PAK3: variants seen among roughly 807,000 people sequenced by gnomAD.
PAK3 encodes the protein p21 (RAC1) activated kinase 3, also known as serine/threonine-protein kinase PAK 3.
A neutral mutation model predicts 41.0 loss-of-function variants in PAK3; 4 were observed. That is an observed-to-expected ratio of 0.10 (90% CI 0.05 to 0.22). The LOEUF (loss-of-function observed/expected upper bound fraction) is 0.22. PAK3 is among the 10% of genes least tolerant of loss of function. The probability of loss-of-function intolerance (pLI) is 1.00; values close to 1 mark genes in which losing one functional copy is unlikely to be tolerated. For missense variants in PAK3, 205 were observed against 409.9 expected, an observed-to-expected ratio of 0.50 and a Z score of 4.32; for synonymous variants, 146 against 139.6, an observed-to-expected ratio of 1.05 and a Z score of -0.32.
At chrX:110,997,845 T>C (rs1236841928) in intron 1 of PAK3, among the ~76,000 whole-genome samples, 2 of 110,563 alleles carry the variant, frequency 1.8e-5, no homozygotes, top group Non-Finnish European at 3.8e-5. Flanking sequence ...TTAGTACCCT[T>C]ATAAAAGAGA....
chrX:110,953,256 G>A (rs989909326), intron 1 of PAK3, among the ~76,000 whole-genome samples: 1 of 111,606 alleles, frequency 9.0e-6, no homozygotes, highest in African/African-American at 3.3e-5. Context: ...CATTAAATTG[G>A]GAGGCAGAAG....
At chrX:111,209,437 T>TC (rs1288420537) in intron 16 of PAK3, among the ~76,000 whole-genome samples, 4 of 112,429 alleles carry the variant, frequency 3.6e-5, no homozygotes, top group South Asian at 7.4e-4. Context: ...ATTAATACTT[T>TC]CCATGGATAT....
intron 1 of PAK3, among the ~76,000 whole-genome samples, chrX:111,015,688 T>A (rs779454968): frequency 8.9e-6 from 1 of 111,954 alleles, no homozygotes; most frequent in Admixed American, 9.5e-5. Context: ...GATGTGTATT[T>A]CCCTAATGAT....
intron 1 of PAK3, among the ~76,000 whole-genome samples, chrX:111,014,860 A>G (rs2092065334): frequency 9.0e-6 from 1 of 111,516 alleles, no homozygotes; most frequent in African/African-American, 3.3e-5. Flanking sequence ...ATCTTCCAAA[A>G]GAACAAAAGA....
At chrX:111,116,038 G>C (rs2093457914) in intron 4 of PAK3, among the ~76,000 whole-genome samples, 1 of 110,803 alleles carries the variant, frequency 9.0e-6, no homozygotes, top group East Asian at 2.8e-4. Flanking sequence ...CACTGGGGTG[G>C]ATCAATAAAG....
chrX:111,215,444 C>T (rs1041648759), intron 16 of PAK3, among the ~76,000 whole-genome samples: 8 of 104,058 alleles, frequency 7.7e-5, no homozygotes, highest in African/African-American at 3.3e-4. Flanking sequence ...GAGGCTGAGG[C>T]GGGAGAATCA....
At chrX:111,107,958 G>T (rs770005822) in intron 4 of PAK3, among the ~76,000 whole-genome samples, 1 of 112,065 alleles carries the variant, frequency 8.9e-6, no homozygotes, top group South Asian at 3.8e-4. Flanking sequence ...AGGATTGTCT[G>T]TAGGCCCCAC....
At chrX:110,969,292 CT>C (rs1346406518) in intron 1 of PAK3, among the ~76,000 whole-genome samples, 48 of 94,583 alleles carry the variant, frequency 5.1e-4, no homozygotes, top group South Asian at 5.2e-4. Flanking sequence ...CTTCCACTGA[CT>C]TTTTTTTTTT....
intron 11 of PAK3, among the ~76,000 whole-genome samples, chrX:111,180,015 C>T (rs960931195): frequency 1.2e-4 from 13 of 111,214 alleles, no homozygotes; most frequent in African/African-American, 4.2e-4. Flanking sequence ...ACCTCAGCCT[C>T]CCAAAGTGCT....
At chrX:111,169,220 T>C in intron 10 of PAK3, 2 of 228,543 alleles carry the variant, frequency 8.8e-6, no homozygotes, top group Non-Finnish European at 1.6e-5. Context: ...AAAGGCAATA[T>C]CAAATACCAT....
chrX:111,131,700 T>A (rs2093720790), intron 5 of PAK3, among the ~76,000 whole-genome samples: 1 of 112,030 alleles, frequency 8.9e-6, no homozygotes, highest in Admixed American at 9.4e-5. Context: ...TCCTGTGGGT[T>A]CCCTCTTGTA....
At chrX:111,196,309 T>C in intron 15 of PAK3, 135 bp from the exon 16 acceptor site, 1 of 530,539 alleles carries the variant, frequency 1.9e-6, no homozygotes. Context: ...GAGACATCAG[T>C]TAACAAAAAG....
At chrX:111,121,109 C>T (rs962448692) in intron 4 of PAK3, among the ~76,000 whole-genome samples, 2 of 112,354 alleles carry the variant, frequency 1.8e-5, no homozygotes, top group African/African-American at 6.5e-5. Context: ...TCTGAATATA[C>T]TTTATCCTTG....
At chrX:111,033,883 T>C (rs1235852410) in intron 1 of PAK3, among the ~76,000 whole-genome samples, 1 of 110,992 alleles carries the variant, frequency 9.0e-6, no homozygotes, top group African/African-American at 3.3e-5. Flanking sequence ...GTTTTTATTA[T>C]TATTATTTTG....
chrX:110,961,003 TA>T (rs1167862693), intron 1 of PAK3, among the ~76,000 whole-genome samples: 1 of 111,509 alleles, frequency 9.0e-6, no homozygotes, highest in Non-Finnish European at 1.9e-5. Flanking sequence ...TGTGTCAATA[TA>T]TTTTTTTTCC....
chrX:111,047,213 GT>G (rs2092507847), intron 1 of PAK3, among the ~76,000 whole-genome samples: 2 of 111,869 alleles, frequency 1.8e-5, no homozygotes, highest in South Asian at 7.4e-4. Context: ...GGACTAATGC[GT>G]GAGGATGTGT....
At chrX:111,064,402 G>A (rs1331102768) in intron 1 of PAK3, among the ~76,000 whole-genome samples, 4 of 110,752 alleles carry the variant, frequency 3.6e-5, no homozygotes, top group Non-Finnish European at 7.6e-5. Flanking sequence ...CACCCAGGTA[G>A]TGAGCATAGT....
At chrX:111,191,591 A>G (rs181161811) in intron 11 of PAK3, among the ~76,000 whole-genome samples, 1 of 112,122 alleles carries the variant, frequency 8.9e-6, no homozygotes, top group African/African-American at 3.2e-5. Context: ...AAAAATTGGA[A>G]ATATATGAAA....
chrX:111,079,465 A>G (rs1157855729), intron 1 of PAK3, among the ~76,000 whole-genome samples: 1 of 112,157 alleles, frequency 8.9e-6, no homozygotes, highest in Non-Finnish European at 1.9e-5. Flanking sequence ...GATTTACTGG[A>G]TATTTTAAGC....
Sources: gnomAD v4.1 joint callset for allele counts (sites outside exome capture counted in the v4.1 genomes callset) on GRCh38, gnomAD v4.1.1 for gene constraint, MANE v1.5 for transcripts, NCBI Gene and HGNC (gene_info 2026-07-23, HGNC 2026-07-21) for gene names.